Variants in TTC39B observed in about 807,000 individuals in gnomAD.
The protein encoded by TTC39B is tetratricopeptide repeat protein 39B.
TTC39B carries 92 observed loss-of-function variants against 96.6 expected under a neutral mutation model. The observed-to-expected ratio is 0.95, with a 90% CI of 0.80 to 1.13. TTC39B has a LOEUF of 1.13. TTC39B is among the 50% of genes most tolerant of loss of function. The probability of loss-of-function intolerance (pLI) is 0.00; values close to 1 mark genes in which losing one functional copy is unlikely to be tolerated. For synonymous variants in TTC39B, 367 were observed against 299.4 expected, an observed-to-expected ratio of 1.23 and a Z score of -2.33; for missense variants, 955 against 809.3, an observed-to-expected ratio of 1.18 and a Z score of -2.18.
chr9:15,180,360 T>A (rs1327068169), intron 17 of TTC39B, among the ~76,000 whole-genome samples: 1 of 152,256 alleles, frequency 6.6e-6, no homozygotes, highest in Non-Finnish European at 1.5e-5. Flanking sequence ...AACTTCTGGT[T>A]ACATGTTGAA....
At chr9:15,167,063 G>T (rs1441313080) in exon 20 of TTC39B, 14 of 58,494 alleles carry the variant, frequency 2.4e-4, no homozygotes, top group Non-Finnish European at 4.0e-4. Flanking sequence ...TTGAGACAGG[G>T]TCTCACTCTG....
At chr9:15,168,395 T>C (rs2118328880) in exon 20 of TTC39B, 1 of 118,838 alleles carries the variant, frequency 8.4e-6, no homozygotes, top group South Asian at 2.7e-4. Flanking sequence ...AATTTAAGAT[T>C]TCTAAATATG....
At chr9:15,185,587 G>T in intron 15 of TTC39B, 181 bp from the exon 16 acceptor site, 1 of 829,418 alleles carries the variant, frequency 1.2e-6, no homozygotes, top group Non-Finnish European at 1.8e-6. Flanking sequence ...GCAACTCCAG[G>T]GCCGGGGCCG....
At chr9:15,164,685 C>T (rs1423364776) in exon 20 of TTC39B, 2 of 151,666 alleles carry the variant, frequency 1.3e-5, no homozygotes, top group Non-Finnish European at 2.9e-5. Context: ...TTTTAAACAC[C>T]AATACAGAAA....
At position 15,255,985 on chromosome 9, in the gene TTC39B, C is replaced by T. The variant is rs1822736656; in HGVS notation, c.275+11929G>A. Among the ~76,000 whole-genome samples, 3 of 151,966 alleles carry T rather than the reference C, an allele frequency of 2.0e-5. No individual in the cohort carries two copies. In the South Asian group the frequency reaches 6.3e-4, roughly 32 times the overall value. On this transcript the variant is annotated intron_variant, in intron 2 of 19. Transcript: ENST00000512701. ...ATCCTAGCAGTCTACTCTGAGGATC[C>T]ACCTATATTTTCTTAATAGTACATG...
At chr9:15,185,197 C>A in intron 16 of TTC39B, 83 bp downstream of exon 16, 2 of 1,488,412 alleles carry the variant, frequency 1.3e-6, no homozygotes, top group Non-Finnish European at 8.9e-7. Flanking sequence ...AGCTAAACTT[C>A]ATAACCAAAT....
chr9:15,171,911 G>A, exon 20 of TTC39B: 2 of 781,904 alleles, frequency 2.6e-6, no homozygotes, highest in Non-Finnish European at 3.9e-6. Flanking sequence ...CAAAAAAACT[G>A]TTTTTTTGTC....
intron 1 of TTC39B, among the ~76,000 whole-genome samples, chr9:15,289,785 T>C (rs1176670015): frequency 1.3e-5 from 2 of 152,230 alleles, no homozygotes; most frequent in Non-Finnish European, 2.9e-5. Flanking sequence ...AGCAGGAACC[T>C]AAACATGTTG....
intron 2 of TTC39B, among the ~76,000 whole-genome samples, chr9:15,265,492 T>A (rs867866522): frequency 6.6e-6 from 1 of 152,232 alleles, no homozygotes; most frequent in African/African-American, 2.4e-5. Flanking sequence ...TGTGATCACC[T>A]ACTATAGCCC....
At chr9:15,223,771 T>A (rs983538681) in intron 3 of TTC39B, among the ~76,000 whole-genome samples, 2 of 151,364 alleles carry the variant, frequency 1.3e-5, no homozygotes, top group Non-Finnish European at 2.9e-5. Flanking sequence ...AGGTTGAGCA[T>A]CCCTAATCTG....
chr9:15,171,791 T>C (rs1409594836), exon 20 of TTC39B: 1 of 285,758 alleles, frequency 3.5e-6, no homozygotes, highest in Non-Finnish European at 6.4e-6. Context: ...TGAAATTCTT[T>C]TGGGGGAGGC....
At chr9:15,244,956 G>T (rs1822208871) in intron 2 of TTC39B, among the ~76,000 whole-genome samples, 2 of 152,064 alleles carry the variant, frequency 1.3e-5, no homozygotes, top group Non-Finnish European at 2.9e-5. Flanking sequence ...AAAAATAAAG[G>T]CTTCCAAAAA....
exon 20 of TTC39B, chr9:15,166,982 T>TTTTTTATA (rs1387664027): frequency 3.5e-4 from 7 of 20,276 alleles, no homozygotes; most frequent in South Asian, 5.8e-3. Context: ...AACCTTTATT[T>TTTTTTATA]TATATATATA....
chr9:15,244,934 T>C (rs1423357939), intron 2 of TTC39B, among the ~76,000 whole-genome samples: 1 of 147,550 alleles, frequency 6.8e-6, no homozygotes, highest in Non-Finnish European at 1.5e-5. Context: ...TCATGATCCA[T>C]GGAGGAAGAA....
intron 2 of TTC39B, among the ~76,000 whole-genome samples, chr9:15,227,124 T>C (rs190330466): frequency 2.2e-3 from 337 of 152,176 alleles, no homozygotes; most frequent in African/African-American, 7.8e-3. Flanking sequence ...CTGGCCAACA[T>C]GGTGAAACTC....
At chr9:15,300,345 A>G (rs1034936649) in intron 1 of TTC39B, among the ~76,000 whole-genome samples, 1 of 152,070 alleles carries the variant, frequency 6.6e-6, no homozygotes, top group Non-Finnish European at 1.5e-5. Context: ...TCACTGCACC[A>G]CTGACCCTCA....
chr9:15,293,062 G>C (rs924863531), intron 1 of TTC39B, among the ~76,000 whole-genome samples: 36 of 152,154 alleles, frequency 2.4e-4, no homozygotes, highest in African/African-American at 8.2e-4. Flanking sequence ...CTCCATTCAT[G>C]GTAAGTGCCC....
At chr9:15,208,753 C>G (rs1820020616) in intron 6 of TTC39B, among the ~76,000 whole-genome samples, 1 of 152,180 alleles carries the variant, frequency 6.6e-6, no homozygotes, top group South Asian at 2.1e-4. Flanking sequence ...GGGTCAACAT[C>G]ATGCCCCTTT....
At chr9:15,283,274 T>A (rs1199962172) in intron 1 of TTC39B, among the ~76,000 whole-genome samples, 1 of 152,250 alleles carries the variant, frequency 6.6e-6, no homozygotes, top group Non-Finnish European at 1.5e-5. Flanking sequence ...ATTTCTTAAA[T>A]GAATGCAAGG....
Sources: gnomAD v4.1 joint callset for allele counts (sites outside exome capture counted in the v4.1 genomes callset) on GRCh38, gnomAD v4.1.1 for gene constraint, MANE v1.5 for transcripts, NCBI Gene and HGNC (gene_info 2026-07-23, HGNC 2026-07-21) for gene names.